Variants in ZNF282 observed in about 807,000 individuals in gnomAD.
The protein encoded by ZNF282 is zinc finger protein 282, also known as HTLV-I U5 repressive element-binding protein 1.
Under a neutral mutation model 61.9 loss-of-function variants are expected in ZNF282, and 30 were observed. The ratio of observed to expected loss-of-function variants is 0.48; its 90% CI spans 0.36 to 0.66. ZNF282 has a LOEUF of 0.66. ZNF282 is among the 30% of genes least tolerant of loss of function. ZNF282 has a pLI of 0.00. For missense variants in ZNF282, 788 were observed against 941.4 expected (o/e 0.84, Z 2.13); for synonymous variants, 396 against 405.0 (o/e 0.98, Z 0.27).
intron 6 of ZNF282, 88 bp downstream of exon 6, chr7:149,212,559 C>A: frequency 9.2e-7 from 1 of 1,082,218 alleles, no homozygotes; most frequent in Non-Finnish European, 1.3e-6. Context: ...GTTTATGCAG[C>A]TGATACTAAA....
chr7:149,203,901 G>GCAAC (rs1795952125), intron 2 of ZNF282, among the ~76,000 whole-genome samples: 2 of 152,316 alleles, frequency 1.3e-5, no homozygotes, highest in East Asian at 3.9e-4. Context: ...GTTACCTATT[G>GCAAC]CTGTATAACA....
chr7:149,219,853 G>A (rs1425116583), intron 7 of ZNF282, among the ~76,000 whole-genome samples: 5 of 151,696 alleles, frequency 3.3e-5, no homozygotes, highest in East Asian at 3.9e-4. Flanking sequence ...TCTCAAAAAC[G>A]AAAAAGTTTT....
Position 149,195,680 on chromosome 7 carries a change from C to G in ZNF282, c.91C>G (p.Leu31Val), listed in dbSNP as rs1365859151. 4 of 1,585,420 alleles carry G rather than the reference C, an allele frequency of 2.5e-6. No homozygotes were observed. The Admixed American group carries it at 7.1e-5, about 28-fold the overall frequency. Reference protein sequence around the residue: ...DSGSWSWAQALPPEEVCHQEP... With the variant: ...DSGSWSWAQAVPPEEVCHQEP... ...CGGGAGCTGGAGCTGGGCCCAGGCTCTGCCCCCGGAGGAGGTCTGCCACCA... is the reference window on the plus strand; with the variant it reads ...CGGGAGCTGGAGCTGGGCCCAGGCTGTGCCCCCGGAGGAGGTCTGCCACCA... The change falls in exon 1 of 8, where the codon CTG becomes GTG. Residue 31 changes from leucine (L) to valine (V), a missense_variant. By Grantham distance (32) the Leu-to-Val change is conservative (BLOSUM62 1). Coordinates refer to ENST00000610704, the MANE Select transcript of ZNF282 (RefSeq NM_003575.4).
intron 7 of ZNF282, among the ~76,000 whole-genome samples, chr7:149,221,399 G>A (rs1033661896): frequency 2.2e-4 from 33 of 152,236 alleles, no homozygotes; most frequent in Non-Finnish European, 2.9e-4. Flanking sequence ...TAGCGGGATG[G>A]TGAGAACGTG....
intron 2 of ZNF282, among the ~76,000 whole-genome samples, chr7:149,206,094 G>T (rs1297591161): frequency 6.6e-6 from 1 of 152,166 alleles, no homozygotes; most frequent in Non-Finnish European, 1.5e-5. Flanking sequence ...CTGACACCAC[G>T]CGACGACTCG....
At chr7:149,218,990 T>C (rs963211990) in intron 7 of ZNF282, among the ~76,000 whole-genome samples, 2 of 152,154 alleles carry the variant, frequency 1.3e-5, no homozygotes, top group Non-Finnish European at 2.9e-5. Flanking sequence ...ATGCAGAGCA[T>C]TGCCAACCAG....
intron 2 of ZNF282, among the ~76,000 whole-genome samples, chr7:149,203,373 G>A (rs946382114): frequency 2.6e-5 from 4 of 151,936 alleles, no homozygotes; most frequent in African/African-American, 9.7e-5. Context: ...TTTTTGGGAC[G>A]GTCTCACATT....
At position 149,220,067 on chromosome 7, in the gene ZNF282, C is replaced by T. The variant is rs145746250; in HGVS notation, c.1181-3745C>T. 9.3e-4 allele frequency among the ~76,000 whole-genome samples: 142 copies of T among 152,138 alleles called. 1 individual carries two copies. Among genetic ancestry groups the T allele is most frequent in the African/African-American group, 3.2e-3 (132 of 41,502 alleles). On this transcript the variant is annotated intron_variant, in intron 7 of 7. Coordinates refer to ENST00000610704, the MANE Select transcript of ZNF282 (RefSeq NM_003575.4). ...GTCGGAGATAACTAGACCATTGTCT[C>T]GGGTCAGATGCTCCCAACTACTTTA...
At chr7:149,206,566 T>C in intron 2 of ZNF282, 130 bp from the exon 3 acceptor site, 8 of 1,351,252 alleles carry the variant, frequency 5.9e-6, no homozygotes, top group Non-Finnish European at 8.2e-6. Flanking sequence ...AGATGGACAG[T>C]GGGGACTGGG....
chr7:149,212,561 G>A (rs921744062), intron 6 of ZNF282, 90 bp downstream of exon 6: 31 of 1,071,940 alleles, frequency 2.9e-5, no homozygotes, highest in Non-Finnish European at 3.9e-5. Context: ...TTATGCAGCT[G>A]ATACTAAAAT....
intron 7 of ZNF282, among the ~76,000 whole-genome samples, chr7:149,217,548 A>G (rs1399847411): frequency 6.6e-6 from 1 of 152,056 alleles, no homozygotes; most frequent in African/African-American, 2.4e-5. Context: ...TGGGTGGCAG[A>G]GTAAGGCTCT....
rs1796335421 is a variant in ZNF282, at chr7:149,224,675, A to T, written c.*28A>T. On this transcript the variant is annotated 3_prime_UTR_variant, in exon 8 of 8. Coordinates refer to ENST00000610704, the MANE Select transcript of ZNF282 (RefSeq NM_003575.4). ...CTGGGCTGGGGGAGGGCAGGGCCGGACGGAGTGGATCGGGGGCGGCCTGAG... is the reference window on the plus strand; with the variant it reads ...CTGGGCTGGGGGAGGGCAGGGCCGGTCGGAGTGGATCGGGGGCGGCCTGAG... The T allele has an allele frequency of 6.8e-7, 1 of 1,472,112 alleles. No individual in the cohort carries two copies. The highest frequency in any genetic ancestry group is 1.4e-5 in the African/African-American group (1 of 71,228). 91.2% of individuals were successfully genotyped at this position (1,472,112 alleles called of 1,614,324 possible).
At chr7:149,220,860 G>A (rs1300298303) in intron 7 of ZNF282, among the ~76,000 whole-genome samples, 1 of 151,480 alleles carries the variant, frequency 6.6e-6, no homozygotes, top group Non-Finnish European at 1.5e-5. Flanking sequence ...GAGTGGAAAA[G>A]TAAAACCCAC....
chr7:149,198,187 G>C lies in ZNF282; in HGVS notation c.166-146G>C. 2.3e-6 allele frequency: 2 copies of C among 881,412 alleles called. No homozygotes were observed. Among genetic ancestry groups the C allele is most frequent in the South Asian group, 3.6e-5 (2 of 55,948 alleles). The allele number at this position is 881,412 out of a possible 1,614,324, so 54.6% of individuals were successfully genotyped here. ...GTGGGTGAGTGGGTAGCTGTTGCTG[G>C]GGGTGTTAGTGTATCCTGAGTTACG... On this transcript the variant is annotated intron_variant, in intron 1 of 7. Transcript: ENST00000610704. This position sits in a 1 kb window ranked among gnomAD's most constrained non-coding sequence, Gnocchi z 4.3.
At position 149,220,813 on chromosome 7, in the gene ZNF282, C is replaced by T. The variant is rs76040180; in HGVS notation, c.1181-2999C>T. 5.5e-3 allele frequency among the ~76,000 whole-genome samples: 841 copies of T among 151,718 alleles called. 5 individuals are homozygous for T. The highest frequency in any genetic ancestry group is 0.02 in the African/African-American group (806 of 41,286). ...CCATGCATGGGTTGGGGGGGAGGGG[C>T]GTAGGATAGAGGAGGAAGGATGACG... On this transcript the variant is annotated intron_variant, in intron 7 of 7. Coordinates refer to ENST00000610704, the MANE Select transcript of ZNF282 (RefSeq NM_003575.4).
Position 149,198,737 on chromosome 7 carries a change from G to A in ZNF282, c.570G>A (p.Lys190=), listed in dbSNP as rs1312789842. Residue 190 remains lysine (K), a synonymous_variant, in exon 2 of 8, where the codon AAG becomes AAA. Coordinates refer to ENST00000610704, the MANE Select transcript of ZNF282 (RefSeq NM_003575.4). The surrounding 1 kb of genome is among the most constrained non-coding windows in gnomAD (Gnocchi z 4.3). The part of the protein sequence containing the change: ...FWVLRLPPGS[K]GEAPKVPVTF... The stretch of plus-strand genomic sequence containing the variant: ...TCCTGCGGCTGCCCCCGGGCAGCAA[G>A]GGGGAGGCCCCCAAGGTATGTGGTG... The A allele has an allele frequency of 1.2e-6, 2 of 1,613,394 alleles. No individual in the cohort carries two copies. Among genetic ancestry groups the A allele is most frequent in the African/African-American group, 1.3e-5 (1 of 74,894 alleles).
chr7:149,217,980 C>T (rs944776062), intron 7 of ZNF282, among the ~76,000 whole-genome samples: 2 of 151,822 alleles, frequency 1.3e-5, no homozygotes, highest in Admixed American at 6.6e-5. Context: ...TCATGGCGGG[C>T]ACCTGTAATC....
chr7:149,205,362 C>G (rs538654227), intron 2 of ZNF282, among the ~76,000 whole-genome samples: 3 of 152,108 alleles, frequency 2.0e-5, no homozygotes, highest in Non-Finnish European at 4.4e-5. Flanking sequence ...CACTTGAACT[C>G]GGGAAGCAGA....
chr7:149,214,801 C>G (rs1212185338), intron 7 of ZNF282, among the ~76,000 whole-genome samples: 1 of 152,092 alleles, frequency 6.6e-6, no homozygotes, highest in Non-Finnish European at 1.5e-5. Flanking sequence ...CCACTGCACT[C>G]CAGCCTGGGC....
Sources: gnomAD v4.1 joint callset for allele counts (sites outside exome capture counted in the v4.1 genomes callset) on GRCh38, gnomAD v4.1.1 for gene constraint, Gnocchi (gnomAD v3.1) non-coding constraint, MANE v1.5 for transcripts, NCBI Gene and HGNC (gene_info 2026-07-23, HGNC 2026-07-21) for gene names.